HMCN1: variants seen among roughly 807,000 people sequenced by gnomAD.
The protein encoded by HMCN1 is hemicentin-1.
In HMCN1, 321 loss-of-function variants were observed where a neutral mutation model predicts 625.9. The ratio of observed to expected loss-of-function variants is 0.51; its 90% confidence interval spans 0.47 to 0.56. The LOEUF is 0.56. Ranked by LOEUF, HMCN1 falls within the 20% of genes least tolerant of loss-of-function variation. The pLI, the probability that HMCN1 is intolerant of heterozygous loss-of-function variation, is 0.00. For missense variants in HMCN1, 6,588 were observed against 6,887.3 expected, an observed-to-expected ratio of 0.96 and a Z score of 1.54; for synonymous variants, 2,425 against 2,417.6, an observed-to-expected ratio of 1.00 and a Z score of -0.09.
chr1:186,167,778 A>C (rs1216724538), intron 100 of HMCN1, among the ~76,000 whole-genome samples: 2 of 152,158 alleles, frequency 1.3e-5, no homozygotes, highest in African/African-American at 2.4e-5. Context: ...ACTTAGTAAC[A>C]TTTAAGTTTC....
chr1:186,081,164 G>A lies in HMCN1; in HGVS notation c.8600-43G>A, dbSNP rs763448600. 2.7e-6 allele frequency: 4 copies of A among 1,495,828 alleles called. No individual in the cohort carries two copies. In the South Asian group the frequency reaches 4.5e-5, roughly 17 times the overall value. 92.7% of individuals were successfully genotyped at this position (1,495,828 alleles called of 1,614,324 possible). A position where few individuals can be genotyped will look rare whatever the true frequency, so the allele number is the denominator to read the frequency against. On this transcript the variant is annotated intron_variant, in intron 55 of 106. Coordinates refer to ENST00000271588, the MANE Select transcript of HMCN1 (RefSeq NM_031935.3). ...CAGAAAATTAGCATGATTTAGAAAA[G>A]ACTGTTGCCCATTTTTCTCCCTTTG... is the stretch of plus-strand genomic sequence containing the variant.
intron 1 of HMCN1, among the ~76,000 whole-genome samples, chr1:185,817,312 G>A (rs1032777341): frequency 6.6e-6 from 1 of 152,164 alleles, no homozygotes; most frequent in Non-Finnish European, 1.5e-5. Flanking sequence ...TGGCCTTTAA[G>A]GATGTGTGGG....
At chr1:185,905,433 A>G (rs149795575) in intron 4 of HMCN1, among the ~76,000 whole-genome samples, 6 of 151,916 alleles carry the variant, frequency 3.9e-5, no homozygotes, top group African/African-American at 1.4e-4. Flanking sequence ...AACCACAAAA[A>G]TACTAATAAA....
intron 84 of HMCN1, 142 bp downstream of exon 84, chr1:186,130,242 A>G: frequency 8.3e-7 from 1 of 1,198,142 alleles, no homozygotes; most frequent in Non-Finnish European, 1.2e-6. Flanking sequence ...CAAATTCATG[A>G]GAAAAAAATT....
intron 1 of HMCN1, among the ~76,000 whole-genome samples, chr1:185,816,083 T>A (rs572422489): frequency 9.9e-5 from 15 of 151,152 alleles, no homozygotes; most frequent in Non-Finnish European, 1.9e-4. Context: ...TTATTTTGCC[T>A]TAGCCAGAAA....
intron 11 of HMCN1, among the ~76,000 whole-genome samples, chr1:185,936,687 G>A (rs796317814): frequency 6.6e-6 from 1 of 152,260 alleles, no homozygotes; most frequent in African/African-American, 2.4e-5. Context: ...ATGTAACCTG[G>A]GATGTATGTT....
chr1:185,878,287 G>A (rs1021702195), intron 4 of HMCN1, among the ~76,000 whole-genome samples: 9 of 152,118 alleles, frequency 5.9e-5, no homozygotes, highest in Non-Finnish European at 8.8e-5. Context: ...ATGTTGAATA[G>A]GAGTGGTGAG....
chr1:186,028,297 G>A (rs1187499966), intron 36 of HMCN1, among the ~76,000 whole-genome samples: 3 of 152,112 alleles, frequency 2.0e-5, no homozygotes, highest in African/African-American at 7.2e-5. Context: ...CTTCTTCTTG[G>A]AGAATGCAGG....
At chr1:185,810,012 A>T (rs1321592279) in intron 1 of HMCN1, among the ~76,000 whole-genome samples, 3 of 152,142 alleles carry the variant, frequency 2.0e-5, no homozygotes, top group African/African-American at 7.2e-5. Flanking sequence ...GGAAATAAAC[A>T]CTTGAATAAA....
chr1:186,148,785 G>A (rs770039867), intron 93 of HMCN1, among the ~76,000 whole-genome samples: 3 of 152,040 alleles, frequency 2.0e-5, no homozygotes, highest in Non-Finnish European at 4.4e-5. Context: ...TAAATAATAA[G>A]TCCTGAAAGT....
chr1:186,045,580 A>G, intron 40 of HMCN1, 108 bp from the exon 41 acceptor site: 1 of 850,938 alleles, frequency 1.2e-6, no homozygotes, highest in Non-Finnish European at 2.0e-6. Flanking sequence ...GTGATCCTAT[A>G]TCTTTAAAAG....
At chr1:185,945,266 C>A (rs6698560) in intron 11 of HMCN1, among the ~76,000 whole-genome samples, 2 of 152,308 alleles carry the variant, frequency 1.3e-5, no homozygotes, top group East Asian at 3.9e-4. Flanking sequence ...TGCCCCTAGG[C>A]ACTACCTCAT....
chr1:186,034,952 A>G (rs1405100946), intron 36 of HMCN1, among the ~76,000 whole-genome samples: 3 of 152,116 alleles, frequency 2.0e-5, no homozygotes. Flanking sequence ...AACCCATTCC[A>G]TAGCTCTTGT....
intron 97 of HMCN1, among the ~76,000 whole-genome samples, chr1:186,160,647 C>A (rs949906403): frequency 1.3e-5 from 2 of 152,098 alleles, no homozygotes; most frequent in African/African-American, 4.8e-5. Context: ...TTTCAAAGAA[C>A]ATCTTTATTT....
At chr1:186,028,253 GA>G (rs902972884) in intron 36 of HMCN1, among the ~76,000 whole-genome samples, 6 of 151,696 alleles carry the variant, frequency 4.0e-5, no homozygotes, top group Non-Finnish European at 5.9e-5. Context: ...TTGGAAAAAG[GA>G]AAAAAAACCC....
chr1:185,774,504 A>G (rs1656464191), intron 1 of HMCN1, among the ~76,000 whole-genome samples: 1 of 152,202 alleles, frequency 6.6e-6, no homozygotes, highest in South Asian at 2.1e-4. Context: ...CTTGATCTGA[A>G]TGATAAAGAT....
chr1:186,189,475 G>T, intron 106 of HMCN1, 37 bp from the exon 107 acceptor site: 1 of 1,609,984 alleles, frequency 6.2e-7, no homozygotes, highest in South Asian at 1.1e-5. Flanking sequence ...CCTACTTCCA[G>T]ATAACTATGT....
chr1:186,020,521 A>G (rs919220691), intron 35 of HMCN1, among the ~76,000 whole-genome samples: 9 of 152,070 alleles, frequency 5.9e-5, no homozygotes, highest in African/African-American at 1.7e-4. Context: ...GCCTTCAGTC[A>G]TAGTGAAGGT....
At chr1:185,982,157 T>C (rs1651685763) in intron 17 of HMCN1, 105 bp from the exon 18 acceptor site, 1 of 1,153,342 alleles carries the variant, frequency 8.7e-7, no homozygotes, top group Non-Finnish European at 1.3e-6. Flanking sequence ...TTCTGAAAAC[T>C]CAAACTTTTA....
Sources: allele counts gnomAD v4.1 joint callset (sites outside exome capture counted in the v4.1 genomes callset), GRCh38; gene constraint gnomAD v4.1.1; transcripts MANE v1.5; gene names NCBI Gene and HGNC (gene_info 2026-07-23, HGNC 2026-07-21).